TENM2: variants seen among roughly 807,000 people sequenced by gnomAD.
The protein encoded by TENM2 is teneurin transmembrane protein 2.
In TENM2, 52 loss-of-function variants were observed where a neutral mutation model predicts 245.2. The observed-to-expected ratio is 0.21, with a 90% CI of 0.17 to 0.27. The LOEUF is 0.27. TENM2 is among the 10% of genes least tolerant of loss of function. The probability of loss-of-function intolerance (pLI) is 1.00; values close to 1 mark genes in which losing one functional copy is unlikely to be tolerated. For missense variants in TENM2, 3,046 were observed against 3,666.8 expected (o/e 0.83, Z 4.37); for synonymous variants, 1,363 against 1,438.9 (o/e 0.95, Z 1.19).
chr5:167,187,132 G>C, the TENM2 span, among the ~76,000 whole-genome samples: 1 of 152,194 alleles, frequency 6.6e-6, no homozygotes, highest in East Asian at 1.9e-4. Context: ...AGTCATAAGA[G>C]ATTGGTTCTA....
At chr5:167,787,502 A>G (rs967845761) in intron 2 of TENM2, among the ~76,000 whole-genome samples, 3 of 152,196 alleles carry the variant, frequency 2.0e-5, no homozygotes, top group Non-Finnish European at 4.4e-5. Context: ...GATATCTATC[A>G]TGCTTTCCCT....
the TENM2 span, among the ~76,000 whole-genome samples, chr5:167,258,215 G>GTGTATATATATATA: frequency 4.0e-3 from 492 of 122,782 alleles, 10 homozygotes; most frequent in African/African-American, 0.014. Context: ...ATATATATAT[G>GTGTATATATATATA]TATATATATA....
At chr5:168,168,677 G>A (rs1434822430) in intron 13 of TENM2, among the ~76,000 whole-genome samples, 2 of 70,248 alleles carry the variant, frequency 2.8e-5, no homozygotes, top group African/African-American at 1.8e-4. Context: ...GTGAGACCCT[G>A]TCTCAAAAAA....
chr5:167,705,480 T>C (rs1410767654), intron 2 of TENM2, among the ~76,000 whole-genome samples: 1 of 152,188 alleles, frequency 6.6e-6, no homozygotes, highest in African/African-American at 2.4e-5. Flanking sequence ...GTGGCTGTAT[T>C]ATTGGACTCC....
Position 168,244,125 on chromosome 5 carries a change from C to T in TENM2, c.5521-295C>T, listed in dbSNP as rs902566412. Among the ~76,000 whole-genome samples the T allele has an allele frequency of 6.6e-5, 10 of 151,896 alleles. No individual in the cohort carries two copies. The highest frequency in any genetic ancestry group is 1.2e-4 in the Non-Finnish European group (8 of 67,986). ...CTAATTTTTATATTTTTAGTACAGA[C>T]GGGGTTTCACCATGTTGGCCAGGCT... On this transcript the variant is annotated intron_variant, in intron 25 of 28. Transcript: ENST00000518659. The surrounding 1 kb of genome is among the most constrained non-coding windows in gnomAD (Gnocchi z 4.9).
intron 11 of TENM2, among the ~76,000 whole-genome samples, chr5:168,125,755 A>G (rs2152354942): frequency 6.6e-6 from 1 of 152,224 alleles, no homozygotes; most frequent in African/African-American, 2.4e-5. Context: ...AAAAAGAAAA[A>G]AAAAAAGAAG....
chr5:168,220,899 G>A (rs188519743), intron 23 of TENM2, among the ~76,000 whole-genome samples: 1 of 152,246 alleles, frequency 6.6e-6, no homozygotes, highest in Non-Finnish European at 1.5e-5. Flanking sequence ...ATCACTGGAG[G>A]CCAGCAGTTT....
intron 2 of TENM2, among the ~76,000 whole-genome samples, chr5:167,536,725 T>C (rs948702517): frequency 4.6e-5 from 7 of 152,208 alleles, no homozygotes; most frequent in African/African-American, 9.6e-5. Context: ...AGTTCAAGAT[T>C]AGATGTCCAG....
At chr5:167,911,504 G>A (rs909124112) in intron 3 of TENM2, among the ~76,000 whole-genome samples, 7 of 152,224 alleles carry the variant, frequency 4.6e-5, no homozygotes, top group African/African-American at 1.7e-4. Context: ...TCCAGCCTGG[G>A]CGACAGAGCG....
chr5:167,030,680 C>T, the TENM2 span, among the ~76,000 whole-genome samples: 1 of 152,150 alleles, frequency 6.6e-6, no homozygotes, highest in African/African-American at 2.4e-5. Context: ...GCTTCTGTCC[C>T]TGTAGTAACG....
At chr5:168,087,044 A>G (rs1004831289) in intron 7 of TENM2, among the ~76,000 whole-genome samples, 1 of 152,178 alleles carries the variant, frequency 6.6e-6, no homozygotes, top group Non-Finnish European at 1.5e-5. Flanking sequence ...GGCTCAGTTT[A>G]TCCTCCCTGC....
At chr5:168,084,427 G>T (rs1451753552) in intron 7 of TENM2, among the ~76,000 whole-genome samples, 1 of 152,176 alleles carries the variant, frequency 6.6e-6, no homozygotes, top group Non-Finnish European at 1.5e-5. Flanking sequence ...TGTTGTTTTT[G>T]ACTTTTTAAT....
At chr5:168,236,249 G>GGTCAAAGGATAACAAATAT (rs1266538648) in intron 25 of TENM2, among the ~76,000 whole-genome samples, 3 of 152,168 alleles carry the variant, frequency 2.0e-5, no homozygotes, top group African/African-American at 7.2e-5. Context: ...TGAAAGTTCA[G>GGTCAAAGGATAACAAATAT]GTCAAAGGAT....
At chr5:167,903,312 T>C (rs1018814167) in intron 3 of TENM2, among the ~76,000 whole-genome samples, 7 of 152,054 alleles carry the variant, frequency 4.6e-5, no homozygotes, top group Non-Finnish European at 7.4e-5. Flanking sequence ...TCACGAAGCT[T>C]CTCTTCTAAA....
chr5:167,498,574 C>G (rs1768964738), intron 2 of TENM2, among the ~76,000 whole-genome samples: 1 of 152,214 alleles, frequency 6.6e-6, no homozygotes, highest in East Asian at 1.9e-4. Context: ...GGTGTACATT[C>G]ACACATCCTG....
intron 2 of TENM2, among the ~76,000 whole-genome samples, chr5:167,837,613 A>C (rs1769118351): frequency 6.6e-6 from 1 of 152,186 alleles, no homozygotes; most frequent in African/African-American, 2.4e-5. Context: ...TGGCATGTTC[A>C]CCCCACCTCA....
intron 25 of TENM2, chr5:168,240,867 C>G (rs918802199): frequency 6.6e-6 from 1 of 152,148 alleles, no homozygotes; most frequent in Non-Finnish European, 1.5e-5. Context: ...TTCTGCCTAA[C>G]AAAATGTTGG....
the TENM2 span, among the ~76,000 whole-genome samples, chr5:167,040,768 G>T: frequency 6.6e-6 from 1 of 151,972 alleles, no homozygotes; most frequent in African/African-American, 2.4e-5. Flanking sequence ...TTTTACTGCC[G>T]TTAGAAGTCT....
At chr5:167,497,415 A>C (rs898528157) in intron 2 of TENM2, among the ~76,000 whole-genome samples, 1 of 152,112 alleles carries the variant, frequency 6.6e-6, no homozygotes, top group African/African-American at 2.4e-5. Context: ...AAGGTACCTC[A>C]ATAATGCATT....
Sources: gnomAD v4.1 joint callset for allele counts (sites outside exome capture counted in the v4.1 genomes callset) on GRCh38, gnomAD v4.1.1 for gene constraint, Gnocchi (gnomAD v3.1) non-coding constraint, MANE v1.5 for transcripts, NCBI Gene and HGNC (gene_info 2026-07-23, HGNC 2026-07-21) for gene names.